The following SPPL3 variants were observed in gnomAD, a reference collection of about 807,000 sequenced individuals.
SPPL3 encodes signal peptide peptidase-like 3.
In SPPL3, 5 loss-of-function variants were observed where a neutral mutation model predicts 42.4. The ratio of observed to expected loss-of-function variants is 0.12; its 90% CI spans 0.06 to 0.25. The LOEUF (loss-of-function observed/expected upper bound fraction) is 0.25, where lower values mean the gene tolerates loss of function less well. SPPL3 is among the 10% of genes least tolerant of loss of function. The pLI is 1.00. For synonymous variants in SPPL3, 195 were observed against 181.8 expected (o/e 1.07, Z -0.58); for missense variants, 235 against 489.0 (o/e 0.48, Z 4.90).
intron 1 of SPPL3, among the ~76,000 whole-genome samples, chr12:120,859,797 G>C (rs1485935002): frequency 6.6e-6 from 1 of 152,116 alleles, no homozygotes; most frequent in African/African-American, 2.4e-5. Context: ...TACAAAATTA[G>C]CTGGGGATGG....
chr12:120,868,445 T>C (rs575613541), intron 1 of SPPL3, among the ~76,000 whole-genome samples: 1 of 148,960 alleles, frequency 6.7e-6, no homozygotes, highest in African/African-American at 2.5e-5. Flanking sequence ...AACAGATAGA[T>C]GGTGTAGTAA....
At chr12:120,852,807 T>TG (rs1469650929) in intron 1 of SPPL3, among the ~76,000 whole-genome samples, 2 of 145,284 alleles carry the variant, frequency 1.4e-5, no homozygotes, top group East Asian at 1.9e-4. Context: ...TATATACATA[T>TG]ATGAAATATA....
At chr12:120,796,655 CTTTA>C (rs1035522006) in intron 2 of SPPL3, among the ~76,000 whole-genome samples, 1 of 152,080 alleles carries the variant, frequency 6.6e-6, no homozygotes, top group African/African-American at 2.4e-5. Context: ...AGATACCTGG[CTTTA>C]TTTTTGTTTC....
chr12:120,815,757 C>T (rs929928473), intron 1 of SPPL3, among the ~76,000 whole-genome samples: 2 of 152,046 alleles, frequency 1.3e-5, no homozygotes, highest in African/African-American at 4.8e-5. Flanking sequence ...GACAGAGTCT[C>T]GCTCTGTCGC....
intron 4 of SPPL3, 99 bp from the exon 5 acceptor site, chr12:120,783,851 G>T: frequency 1.0e-6 from 1 of 963,950 alleles, no homozygotes; most frequent in Non-Finnish European, 1.6e-6. Flanking sequence ...AGTGGATACG[G>T]TTAATTGACT....
chr12:120,833,363 CA>C (rs1283397115), intron 1 of SPPL3, among the ~76,000 whole-genome samples: 28 of 152,252 alleles, frequency 1.8e-4, no homozygotes, highest in African/African-American at 6.7e-4. Context: ...AAAAAGGAGA[CA>C]GCCTCGATAG....
intron 1 of SPPL3, among the ~76,000 whole-genome samples, chr12:120,862,268 A>G (rs966457133): frequency 6.6e-6 from 1 of 152,210 alleles, no homozygotes; most frequent in African/African-American, 2.4e-5. Context: ...TTCTGACACC[A>G]AATGTGTGGG....
Position 120,903,738 on chromosome 12 carries a change from C to CA in SPPL3, c.23+106_23+107insT, listed in dbSNP as rs985026221. On this transcript the variant is annotated intron_variant, in intron 1 of 10. Coordinates refer to ENST00000353487, the MANE Select transcript of SPPL3 (RefSeq NM_139015.5). ...GGCGTGCACCCCAACCCGCGCCCCC[C>CA]CCCCACGACACGCACCTGTTCTTCC... is the stretch of plus-strand genomic sequence containing the variant. 55 of 672,686 alleles carry CA rather than the reference C, an allele frequency of 8.2e-5. No individual in the cohort carries two copies. In the Admixed American group the frequency reaches 1.6e-3, roughly 20 times the overall value. The allele number at this position is 672,686 out of a possible 1,614,324, so 41.7% of individuals were successfully genotyped here.
At chr12:120,860,111 G>A (rs1452660391) in intron 1 of SPPL3, among the ~76,000 whole-genome samples, 2 of 152,136 alleles carry the variant, frequency 1.3e-5, no homozygotes, top group African/African-American at 4.8e-5. Flanking sequence ...AGCTGGGTGG[G>A]AGGATCACTT....
chr12:120,867,542 G>A (rs1436935685), intron 1 of SPPL3, among the ~76,000 whole-genome samples: 1 of 151,916 alleles, frequency 6.6e-6, no homozygotes, highest in Non-Finnish European at 1.5e-5. Context: ...GTACGTGCCT[G>A]TAGTCCCAGC....
At chr12:120,807,588 C>G (rs1042883812) in intron 2 of SPPL3, among the ~76,000 whole-genome samples, 1 of 151,374 alleles carries the variant, frequency 6.6e-6, no homozygotes, top group Non-Finnish European at 1.5e-5. Context: ...GCAGGAGAAT[C>G]GCTTGAGCCT....
intron 2 of SPPL3, among the ~76,000 whole-genome samples, chr12:120,809,225 G>A (rs1870602180): frequency 6.6e-6 from 1 of 152,082 alleles, no homozygotes; most frequent in Non-Finnish European, 1.5e-5. Context: ...GGCGCCTGTA[G>A]TCCCAGCTAT....
intron 1 of SPPL3, among the ~76,000 whole-genome samples, chr12:120,900,639 G>A (rs1474761876): frequency 2.0e-5 from 3 of 151,282 alleles, no homozygotes; most frequent in Non-Finnish European, 4.4e-5. Flanking sequence ...GGGTGTGGTG[G>A]CTCACGCCTG....
At chr12:120,874,906 T>C (rs1488676082) in intron 1 of SPPL3, among the ~76,000 whole-genome samples, 1 of 152,190 alleles carries the variant, frequency 6.6e-6, no homozygotes, top group Non-Finnish European at 1.5e-5. Context: ...AAAGCCAATA[T>C]AGCTTCTATT....
At chr12:120,881,371 A>T (rs982304337) in intron 1 of SPPL3, among the ~76,000 whole-genome samples, 2 of 145,826 alleles carry the variant, frequency 1.4e-5, no homozygotes, top group African/African-American at 5.1e-5. Flanking sequence ...TGGGAGGCTG[A>T]GGCAGGAGAA....
chr12:120,884,508 ACTT>A (rs995084892), intron 1 of SPPL3, among the ~76,000 whole-genome samples: 8 of 149,768 alleles, frequency 5.3e-5, no homozygotes, highest in Non-Finnish European at 8.9e-5. Flanking sequence ...TTCTTTTTTT[ACTT>A]CTATTTGGGA....
At chr12:120,869,203 C>T (rs1055373965) in intron 1 of SPPL3, among the ~76,000 whole-genome samples, 2 of 152,162 alleles carry the variant, frequency 1.3e-5, no homozygotes, top group African/African-American at 4.8e-5. Flanking sequence ...CAAATGCAGA[C>T]TGAATCAGGT....
chr12:120,896,458 T>C (rs1873805305), intron 1 of SPPL3, among the ~76,000 whole-genome samples: 1 of 151,986 alleles, frequency 6.6e-6, no homozygotes, highest in African/African-American at 2.4e-5. Context: ...ACTCTTTAAG[T>C]AAGGATAAGA....
intron 1 of SPPL3, among the ~76,000 whole-genome samples, chr12:120,842,935 T>C (rs1871880062): frequency 6.6e-6 from 1 of 152,196 alleles, no homozygotes. Context: ...TGCTGATTAG[T>C]GACTTAGAAA....
Sources: allele counts gnomAD v4.1 joint callset (sites outside exome capture counted in the v4.1 genomes callset), GRCh38; gene constraint gnomAD v4.1.1; transcripts MANE v1.5; gene names NCBI Gene and HGNC (gene_info 2026-07-23, HGNC 2026-07-21).